The following ST3GAL2 variants were observed in gnomAD, a reference collection of about 807,000 sequenced individuals.
ST3GAL2 encodes the protein CMP-N-acetylneuraminate-beta-galactosamide-alpha-2,3-sialyltransferase 2.
ST3GAL2 carries 16 observed loss-of-function variants against 37.5 expected under a neutral mutation model. The observed-to-expected ratio is 0.43, with a 90% CI of 0.29 to 0.65. The LOEUF is 0.65. ST3GAL2 is among the 30% of genes least tolerant of loss of function. The pLI, the probability that ST3GAL2 is intolerant of heterozygous loss-of-function variation, is 0.17. For missense variants in ST3GAL2, 383 were observed against 487.8 expected (o/e 0.79, Z 2.02); for synonymous variants, 238 against 202.9 (o/e 1.17, Z -1.47).
intron 1 of ST3GAL2, among the ~76,000 whole-genome samples, chr16:70,424,633 T>G (rs1420045296): frequency 6.6e-6 from 1 of 151,998 alleles, no homozygotes; most frequent in African/African-American, 2.4e-5. Flanking sequence ...AAATAAATAA[T>G]AAAGTTCTTG....
intron 3 of ST3GAL2, among the ~76,000 whole-genome samples, chr16:70,392,095 C>T (rs550521444): frequency 6.6e-4 from 101 of 152,360 alleles, no homozygotes; most frequent in African/African-American, 2.4e-3. Flanking sequence ...CCAGGGTCAC[C>T]CTGCCTCCAG....
At chr16:70,417,824 G>T (rs1043035341) in intron 1 of ST3GAL2, among the ~76,000 whole-genome samples, 1 of 151,958 alleles carries the variant, frequency 6.6e-6, no homozygotes, top group Admixed American at 6.6e-5. Flanking sequence ...GGGGGGGCGG[G>T]GGGAATGTTA....
chr16:70,429,762 C>T (rs2047776712), intron 1 of ST3GAL2, among the ~76,000 whole-genome samples: 1 of 151,356 alleles, frequency 6.6e-6, no homozygotes, highest in African/African-American at 2.4e-5. Context: ...CTGCCTCAGC[C>T]TCCCCAGTAG....
chr16:70,387,958 C>G (rs1239485893), intron 4 of ST3GAL2, among the ~76,000 whole-genome samples: 1 of 151,694 alleles, frequency 6.6e-6, no homozygotes, highest in Non-Finnish European at 1.5e-5. Context: ...TACTAAAATA[C>G]AAAATTAGCC....
chr16:70,427,179 G>A (rs148298626), intron 1 of ST3GAL2, among the ~76,000 whole-genome samples: 20 of 151,992 alleles, frequency 1.3e-4, no homozygotes, highest in Non-Finnish European at 2.4e-4. Flanking sequence ...TGACAGTCAC[G>A]CCCCTGAACA....
Position 70,377,815 on chromosome 16 carries a change from T to TC in ST3GAL2, c.*3873dup, listed in dbSNP as rs2047361044. On this transcript the variant is annotated 3_prime_UTR_variant, in exon 7 of 7. Coordinates refer to ENST00000342907, the MANE Select transcript of ST3GAL2 (RefSeq NM_006927.4). ...TCCAGCCTGGTCAACAGAGCAAAAC[T>TC]CCATCTCAAAAATAAAAAAATATAA... is the stretch of plus-strand genomic sequence containing the variant. The TC allele has an allele frequency of 2.6e-5, 4 of 151,528 alleles. No individual in the cohort carries two copies. The highest frequency in any genetic ancestry group is 4.2e-4 in the South Asian group (2 of 4,800). The allele number at this position is 151,528 out of a possible 1,614,324, so 9.4% of individuals were successfully genotyped here.
In ST3GAL2 at chr16:70,376,752, T is replaced by TA; in HGVS notation, c.*4936_*4937insT. The TA allele has an allele frequency of 6.6e-6, 1 of 152,138 alleles. No individual in the cohort carries two copies. Among genetic ancestry groups the TA allele is most frequent in the South Asian group, 2.1e-4 (1 of 4,828 alleles). The allele number at this position is 152,138 out of a possible 1,614,324, so 9.4% of individuals were successfully genotyped here. A position where few individuals can be genotyped will look rare whatever the true frequency, so the allele number is the denominator to read the frequency against. On this transcript the variant is annotated 3_prime_UTR_variant, in exon 7 of 7. Coordinates refer to ENST00000342907, the MANE Select transcript of ST3GAL2 (RefSeq NM_006927.4). ...TGCCTGTGGATGGGTAAAATACTTT[T>TA]TTTTTTTTGAGACGGAGTCTTACTC...
chr16:70,436,123 C>A lies in ST3GAL2; in HGVS notation c.-1004+2826G>T, dbSNP rs553689281. Among the ~76,000 whole-genome samples, 16 of 139,506 alleles carry A rather than the reference C, an allele frequency of 1.1e-4. No homozygotes were observed. The South Asian group carries it at 3.4e-3, about 30-fold the overall frequency. 91.5% of individuals were successfully genotyped at this position (139,506 alleles called of 152,430 possible). ...CCTGGGTGACAGAGCAAGACTCTAT[C>A]TCAAAAAAAAAAAAAGACATCTGGC... On this transcript the variant is annotated intron_variant, in intron 1 of 6. Transcript: ENST00000342907.
In ST3GAL2 at chr16:70,377,326, C is replaced by T. The variant is rs1462023119; in HGVS notation, c.*4363G>A. The stretch of plus-strand genomic sequence containing the variant: ...AGAAACCCCGTCTCTACTAAAAATA[C>T]AAAATTAGCCGGGCGTGGTAGTGCA... On this transcript the variant is annotated 3_prime_UTR_variant, in exon 7 of 7. Transcript: ENST00000342907. 2 of 148,468 alleles carry T rather than the reference C, an allele frequency of 1.3e-5. No individual in the cohort carries two copies. Among genetic ancestry groups the T allele is most frequent in the Non-Finnish European group, 3.0e-5 (2 of 67,388 alleles). The allele number at this position is 148,468 out of a possible 1,614,324, so 9.2% of individuals were successfully genotyped here.
At chr16:70,396,841 C>T (rs1315256952) in intron 2 of ST3GAL2, among the ~76,000 whole-genome samples, 1 of 152,080 alleles carries the variant, frequency 6.6e-6, no homozygotes, top group Non-Finnish European at 1.5e-5. Context: ...CACTCCAGAG[C>T]CTTGGGGCAA....
chr16:70,416,863 C>T (rs1360427583), intron 1 of ST3GAL2, among the ~76,000 whole-genome samples: 1 of 152,070 alleles, frequency 6.6e-6, no homozygotes, highest in Non-Finnish European at 1.5e-5. Context: ...GTGTGCTACT[C>T]TTAAGGGCCC....
intron 1 of ST3GAL2, among the ~76,000 whole-genome samples, chr16:70,404,120 G>A (rs1369076185): frequency 6.6e-6 from 1 of 152,184 alleles, no homozygotes; most frequent in African/African-American, 2.4e-5. Context: ...TCAGAGTACA[G>A]TTCATTCTTA....
chr16:70,391,295 G>A (rs781757118), intron 3 of ST3GAL2, among the ~76,000 whole-genome samples: 3 of 152,152 alleles, frequency 2.0e-5, no homozygotes, highest in South Asian at 4.1e-4. Flanking sequence ...AACCACTTCC[G>A]TTCTAGCTGG....
rs11438171 is a variant in ST3GAL2, at chr16:70,379,796, A to ATTTTTTTTT, written c.*1884_*1892dup. 12 of 138,054 alleles carry ATTTTTTTTT rather than the reference A, an allele frequency of 8.7e-5. No homozygotes were observed. The highest frequency in any genetic ancestry group is 3.3e-4 in the African/African-American group (12 of 36,506). 8.6% of individuals were successfully genotyped at this position (138,054 alleles called of 1,614,324 possible). A position where few individuals can be genotyped will look rare whatever the true frequency, so the allele number is the denominator to read the frequency against. ...ACCACTGCGCCTGGCTAATTTTTGT[A>ATTTTTTTTT]TTTTTTTTTTTTTTTGGTAGAGACG... On this transcript the variant is annotated 3_prime_UTR_variant, in exon 7 of 7. Coordinates refer to ENST00000342907, the MANE Select transcript of ST3GAL2 (RefSeq NM_006927.4).
intron 3 of ST3GAL2, among the ~76,000 whole-genome samples, chr16:70,390,416 C>T (rs1424160726): frequency 6.6e-6 from 1 of 152,196 alleles, no homozygotes; most frequent in African/African-American, 2.4e-5. Context: ...AACAGCCTTC[C>T]GCAGCTTCCA....
intron 6 of ST3GAL2, among the ~76,000 whole-genome samples, chr16:70,382,575 C>T (rs546796292): frequency 2.6e-5 from 4 of 152,286 alleles, no homozygotes; most frequent in African/African-American, 9.6e-5. Flanking sequence ...TCAGCCACCG[C>T]GCACGGCCAA....
At chr16:70,424,578 A>T (rs1328903816) in intron 1 of ST3GAL2, among the ~76,000 whole-genome samples, 1 of 151,882 alleles carries the variant, frequency 6.6e-6, no homozygotes, top group Non-Finnish European at 1.5e-5. Context: ...TCCAGCCTGG[A>T]CAATAAGAGC....
intron 1 of ST3GAL2, among the ~76,000 whole-genome samples, chr16:70,401,319 C>T (rs1226713855): frequency 6.6e-6 from 1 of 152,224 alleles, no homozygotes; most frequent in Middle Eastern, 3.4e-3. Flanking sequence ...GCAGGGGGCA[C>T]GCGAAGGAAC....
chr16:70,384,064 G>A (rs1490216541), intron 4 of ST3GAL2, among the ~76,000 whole-genome samples: 3 of 152,046 alleles, frequency 2.0e-5, no homozygotes, highest in African/African-American at 7.2e-5. Flanking sequence ...TTCTCTGAGT[G>A]TCTATGGTAC....
Sources: gnomAD v4.1 joint callset for allele counts (sites outside exome capture counted in the v4.1 genomes callset) on GRCh38, gnomAD v4.1.1 for gene constraint, MANE v1.5 for transcripts, NCBI Gene and HGNC (gene_info 2026-07-23, HGNC 2026-07-21) for gene names.